Variants in LRRK1 observed in about 807,000 individuals in gnomAD.
LRRK1 encodes leucine-rich repeat serine/threonine-protein kinase 1.
Under a neutral mutation model 209.1 loss-of-function variants are expected in LRRK1, and 113 were observed. The ratio of observed to expected loss-of-function variants is 0.54; its 90% CI spans 0.46 to 0.63. The LOEUF is 0.63. Among genes scored for constraint, LRRK1 ranks in the 30% least tolerant of loss-of-function variants. The pLI, the probability that LRRK1 is intolerant of heterozygous loss-of-function variation, is 0.00. For synonymous variants in LRRK1, 1,144 were observed against 1,099.7 expected (o/e 1.04, Z -0.80); for missense variants, 2,284 against 2,632.2 (o/e 0.87, Z 2.89).
At chr15:100,924,953 A>C (rs1025977420) in intron 2 of LRRK1, among the ~76,000 whole-genome samples, 2 of 152,188 alleles carry the variant, frequency 1.3e-5, no homozygotes, top group African/African-American at 4.8e-5. Flanking sequence ...AACAATTGGG[A>C]CATCACTTCA....
chr15:101,035,910 G>A (rs952881613), intron 20 of LRRK1, among the ~76,000 whole-genome samples: 5 of 152,170 alleles, frequency 3.3e-5, no homozygotes, highest in Admixed American at 2.6e-4. Flanking sequence ...CCCTTGAGCA[G>A]TTCTTATAGG....
rs115751660 is a variant in LRRK1 at position 100,990,794 on chromosome 15, A to G, written c.762+1396A>G. ...TTGCCAATATTTTTCCCAATCCATT[A>G]TTTTTCTTTTTTTGTTATCTTTTGT... On this transcript the variant is annotated intron_variant, in intron 6 of 33. Transcript: ENST00000388948. Among the ~76,000 whole-genome samples, 917 of 143,874 alleles carry G rather than the reference A, an allele frequency of 6.4e-3. 13 individuals are homozygous for G. The highest frequency in any genetic ancestry group is 0.022 in the African/African-American group (862 of 38,818). The allele number at this position is 143,874 out of a possible 152,430, so 94.4% of individuals were successfully genotyped here. A position where few individuals can be genotyped will look rare whatever the true frequency, so the allele number is the denominator to read the frequency against.
In LRRK1 at chr15:100,941,510, G is replaced by A. The variant is rs146625949; in HGVS notation, c.97+16781G>A. On this transcript the variant is annotated intron_variant, in intron 2 of 33. Transcript: ENST00000388948. ...TGTGTGTGTGTGTGTGTGTAAGGTG[G>A]GATGTCTCTTCCTGCTGATCGGTGG... Among the ~76,000 whole-genome samples the A allele has an allele frequency of 1.4e-3, 203 of 143,142 alleles. 1 individual carries two copies. The highest frequency in any genetic ancestry group is 0.01 in the Middle Eastern group (3 of 290). 93.9% of individuals were successfully genotyped at this position (143,142 alleles called of 152,430 possible).
At chr15:101,046,607 C>T (rs2035091111) in intron 21 of LRRK1, among the ~76,000 whole-genome samples, 3 of 152,216 alleles carry the variant, frequency 2.0e-5, no homozygotes, top group East Asian at 1.9e-4. Context: ...ACGCTAGACT[C>T]GCCTGGAGGA....
chr15:101,044,926 T>C (rs2034974169), intron 20 of LRRK1, among the ~76,000 whole-genome samples: 1 of 152,218 alleles, frequency 6.6e-6, no homozygotes, highest in African/African-American at 2.4e-5. Context: ...TGAAGAGGCA[T>C]CTAGCGAGAG....
chr15:101,010,488 A>G lies in LRRK1; in HGVS notation c.1028A>G (p.His343Arg). Residue 343 changes from histidine (H) to arginine (R), a missense_variant, in exon 8 of 34, where the codon CAC becomes CGC. Physicochemically the swap from His to Arg is conservative, Grantham distance 29. Around this residue, in one of 6 missense-constraint regions of LRRK1, gnomAD observed 494 missense variants for 522.1 expected, o/e 0.95. Coordinates refer to ENST00000388948, the MANE Select transcript of LRRK1 (RefSeq NM_024652.6). ...EIDISSNKLS[H>R]LPPGFLHLSK... ...GACATTTCCAGCAACAAGTTGTCCC[A>G]CCTCCCTCCTGGATTCTTGCACCTC... 3 of 1,612,010 alleles carry G rather than the reference A, an allele frequency of 1.9e-6. No individual in the cohort carries two copies. Among genetic ancestry groups the G allele is most frequent in the Non-Finnish European group, 2.5e-6 (3 of 1,179,532 alleles).
rs983737369 is a variant in LRRK1, at chr15:101,025,061, AG to A, written c.2232+99del. On this transcript the variant is annotated intron_variant, in intron 16 of 33. Coordinates refer to ENST00000388948, the MANE Select transcript of LRRK1 (RefSeq NM_024652.6). ...AAGCATCCCCTGTACTGAGAAAAAA[AG>A]GGGGTTATGTTGCCACAGAGGGCCC... The A allele has an allele frequency of 2.2e-5, 29 of 1,293,926 alleles. No homozygotes were observed. The African/African-American group carries it at 4.2e-4, about 19-fold the overall frequency. The allele number at this position is 1,293,926 out of a possible 1,614,324, so 80.2% of individuals were successfully genotyped here. A position where few individuals can be genotyped will look rare whatever the true frequency, so the allele number is the denominator to read the frequency against.
intron 20 of LRRK1, among the ~76,000 whole-genome samples, chr15:101,039,447 C>T (rs1411746742): frequency 6.6e-6 from 1 of 152,080 alleles, no homozygotes; most frequent in African/African-American, 2.4e-5. Context: ...TAAATATTTA[C>T]CTTATATCAA....
chr15:101,039,272 T>C (rs538524670), intron 20 of LRRK1, among the ~76,000 whole-genome samples: 1 of 152,360 alleles, frequency 6.6e-6, no homozygotes, highest in Admixed American at 6.5e-5. Context: ...TTTTGGTTTT[T>C]AAAAAGTTTC....
intron 26 of LRRK1, 86 bp downstream of exon 26, chr15:101,053,506 G>A (rs902480951): frequency 1.3e-5 from 16 of 1,269,232 alleles, no homozygotes; most frequent in Non-Finnish European, 1.7e-5. Context: ...AGAGCCTCAG[G>A]TGGCCTTGGC....
Position 101,010,682 on chromosome 15 carries a change from T to C in LRRK1, c.1126T>C (p.Trp376Arg), listed in dbSNP as rs765224234. ...KLFEEENATN[W>R]IGLRKLQELD... ...TTTTTTTTTTTTTTTAGCCACTAAC[T>C]GGATAGGTTTACGGAAGCTACAGGA... The change falls in exon 9 of 34, where the codon TGG (tryptophan) becomes CGG (arginine). Residue 376 changes from tryptophan to arginine, a missense_variant. Trp to Arg is a moderately radical substitution (Grantham distance 101). Around this residue, in one of 6 missense-constraint regions of LRRK1, gnomAD observed 494 missense variants for 522.1 expected, o/e 0.95. Coordinates refer to ENST00000388948, the MANE Select transcript of LRRK1 (RefSeq NM_024652.6). 1 of 1,599,836 alleles carries C rather than the reference T, an allele frequency of 6.3e-7. No homozygotes were observed. Among genetic ancestry groups the C allele is most frequent in the Non-Finnish European group, 8.5e-7 (1 of 1,175,652 alleles).
At chr15:100,943,209 A>G (rs1271977943) in intron 2 of LRRK1, among the ~76,000 whole-genome samples, 1 of 152,102 alleles carries the variant, frequency 6.6e-6, no homozygotes, top group Non-Finnish European at 1.5e-5. Flanking sequence ...TTTTACTCCA[A>G]GGGGGTGTAA....
intron 6 of LRRK1, among the ~76,000 whole-genome samples, chr15:100,997,797 C>G (rs1234462180): frequency 1.3e-5 from 2 of 152,202 alleles, no homozygotes; most frequent in African/African-American, 2.4e-5. Flanking sequence ...AAGAATACCT[C>G]TAGGACAGAA....
chr15:101,016,480 C>A (rs74040227), intron 12 of LRRK1, among the ~76,000 whole-genome samples: 3,349 of 151,266 alleles, frequency 0.022, 131 homozygotes, highest in African/African-American at 0.077. Flanking sequence ...GCCACCACGC[C>A]CGGCCCCTCT....
At chr15:100,941,348 T>TTGTG (rs200747812) in intron 2 of LRRK1, among the ~76,000 whole-genome samples, 7 of 45,174 alleles carry the variant, frequency 1.5e-4, no homozygotes, top group African/African-American at 4.0e-4. Context: ...GTGTGTGTCT[T>TTGTG]TGTGTGTGTG....
intron 20 of LRRK1, among the ~76,000 whole-genome samples, chr15:101,045,639 C>T (rs1465944696): frequency 6.6e-6 from 1 of 152,248 alleles, no homozygotes; most frequent in East Asian, 1.9e-4. Flanking sequence ...TCCCCAACTG[C>T]AACCCCGTTT....
chr15:101,027,522 G>T lies in LRRK1; in HGVS notation c.2527-116G>T. ...CTGGTGAGGGAGGGTCAGGATGGAA[G>T]ATAGTGGGTGGAAACGTCCCACCCC... On this transcript the variant is annotated intron_variant, in intron 18 of 33. Coordinates refer to ENST00000388948, the MANE Select transcript of LRRK1 (RefSeq NM_024652.6). The surrounding 1 kb of genome is among the most constrained non-coding windows in gnomAD (Gnocchi z 5.1). 2.0e-6 allele frequency: 3 copies of T among 1,497,782 alleles called. No homozygotes were observed. 92.8% of individuals were successfully genotyped at this position (1,497,782 alleles called of 1,614,324 possible).
intron 7 of LRRK1, among the ~76,000 whole-genome samples, chr15:101,009,561 A>T (rs950422704): frequency 6.6e-6 from 1 of 152,044 alleles, no homozygotes; most frequent in African/African-American, 2.4e-5. Flanking sequence ...AGGAGGAATG[A>T]CCTTAGTTGA....
intron 2 of LRRK1, among the ~76,000 whole-genome samples, chr15:100,934,707 G>A (rs2042266777): frequency 6.6e-6 from 1 of 150,662 alleles, no homozygotes; most frequent in Admixed American, 6.6e-5. Flanking sequence ...GGGTGCTGAG[G>A]TGGGAGGATT....
Sources: allele counts gnomAD v4.1 joint callset (sites outside exome capture counted in the v4.1 genomes callset), GRCh38; gene constraint gnomAD v4.1.1; regional missense constraint gnomAD v4.1.1; non-coding constraint Gnocchi (gnomAD v3.1); transcripts MANE v1.5; gene names NCBI Gene and HGNC (gene_info 2026-07-23, HGNC 2026-07-21).